The following DLG2 variants were observed in gnomAD, a reference collection of about 807,000 sequenced individuals.
DLG2 encodes the protein discs large MAGUK scaffold protein 2.
DLG2 carries 45 observed loss-of-function variants against 132.5 expected under a neutral mutation model. That is an observed-to-expected ratio of 0.34 (90% confidence interval 0.27 to 0.44). The LOEUF is 0.44. Among genes scored for constraint, DLG2 ranks in the 20% least tolerant of loss-of-function variants. DLG2 has a pLI of 1.00. For missense variants in DLG2, 1,045 were observed against 1,196.9 expected, an observed-to-expected ratio of 0.87 and a Z score of 1.87; for synonymous variants, 424 against 419.6, an observed-to-expected ratio of 1.01 and a Z score of -0.13.
intron 17 of DLG2, among the ~76,000 whole-genome samples, chr11:83,807,009 A>G (rs905116523): frequency 5.9e-5 from 9 of 152,184 alleles, no homozygotes; most frequent in Non-Finnish European, 1.2e-4. Context: ...TATTAGGCAG[A>G]CCACATAAAT....
At chr11:84,555,600 T>G (rs973357882) in intron 6 of DLG2, among the ~76,000 whole-genome samples, 5 of 152,162 alleles carry the variant, frequency 3.3e-5, no homozygotes, top group African/African-American at 1.2e-4. Flanking sequence ...TTATATGAAG[T>G]GCCTACAGTG....
Position 84,078,464 on chromosome 11 carries a change from A to T in DLG2, c.750-18980T>A, listed in dbSNP as rs1017327421. 2.2e-4 allele frequency among the ~76,000 whole-genome samples: 33 copies of T among 152,232 alleles called. 1 individual carries two copies. Among genetic ancestry groups the T allele is most frequent in the African/African-American group, 7.7e-4 (32 of 41,462 alleles). On this transcript the variant is annotated intron_variant, in intron 10 of 27. Transcript: ENST00000376104. Reference sequence around the variant, plus strand: ...CGACTTTCTCATGCCAGGCAACAGTATTTCAGATTGTTTCTTTATATCTAG... The same window carrying T: ...CGACTTTCTCATGCCAGGCAACAGTTTTTCAGATTGTTTCTTTATATCTAG...
chr11:83,782,998 A>G (rs2094899064), intron 18 of DLG2, among the ~76,000 whole-genome samples: 1 of 152,218 alleles, frequency 6.6e-6, no homozygotes, highest in Admixed American at 6.5e-5. Context: ...TAGTGCTTAA[A>G]TGGAATTATT....
chr11:84,819,076 T>TCCACACACACAC (rs2077384809), intron 6 of DLG2, among the ~76,000 whole-genome samples: 1 of 129,420 alleles, frequency 7.7e-6, no homozygotes, highest in South Asian at 2.7e-4. Context: ...CACTCACAAA[T>TCCACACACACAC]ACACACACAC....
chr11:84,733,419 G>T (rs747001916), intron 6 of DLG2, among the ~76,000 whole-genome samples: 22 of 152,274 alleles, frequency 1.4e-4, no homozygotes, highest in Non-Finnish European at 3.1e-4. Context: ...TACTGTGTCT[G>T]TTGGCTGCAT....
chr11:84,700,160 T>C (rs1158049010), intron 6 of DLG2, among the ~76,000 whole-genome samples: 2 of 151,654 alleles, frequency 1.3e-5, no homozygotes, highest in African/African-American at 4.8e-5. Context: ...GGGTGAAACC[T>C]TACAGTGTTC....
chr11:85,229,047 C>T (rs1260613876), intron 4 of DLG2, among the ~76,000 whole-genome samples: 1 of 151,062 alleles, frequency 6.6e-6, no homozygotes, highest in East Asian at 1.9e-4. Flanking sequence ...TATCACTGTC[C>T]ACACTGAATT....
chr11:84,029,628 T>C (rs1008752162), intron 11 of DLG2, among the ~76,000 whole-genome samples: 1 of 152,122 alleles, frequency 6.6e-6, no homozygotes, highest in African/African-American at 2.4e-5. Context: ...GCAATAATAA[T>C]AATAAAAGTC....
intron 3 of DLG2, among the ~76,000 whole-genome samples, chr11:85,408,656 T>G (rs986125777): frequency 1.1e-4 from 16 of 150,802 alleles, no homozygotes; most frequent in Non-Finnish European, 2.2e-4. Flanking sequence ...GTTTGGTTTT[T>G]TGTTCTTGCG....
At chr11:85,557,374 T>C (rs568198857) in intron 3 of DLG2, among the ~76,000 whole-genome samples, 1 of 151,898 alleles carries the variant, frequency 6.6e-6, no homozygotes, top group African/African-American at 2.4e-5. Context: ...AAAATGGCCA[T>C]ACTGCCCAAA....
intron 11 of DLG2, among the ~76,000 whole-genome samples, chr11:84,008,222 T>A (rs1436979156): frequency 1.3e-5 from 2 of 151,888 alleles, no homozygotes; most frequent in African/African-American, 4.8e-5. Context: ...GATCTGGGTA[T>A]AAAACCCTAT....
intron 18 of DLG2, among the ~76,000 whole-genome samples, chr11:83,755,696 A>G (rs1438321182): frequency 6.6e-6 from 1 of 151,338 alleles, no homozygotes; most frequent in East Asian, 1.9e-4. Flanking sequence ...TTAACCATAC[A>G]AACCTCAGGG....
intron 6 of DLG2, among the ~76,000 whole-genome samples, chr11:85,086,968 T>G (rs1183202844): frequency 1.3e-5 from 2 of 152,222 alleles, no homozygotes; most frequent in African/African-American, 4.8e-5. Flanking sequence ...TTTAAATATC[T>G]TTGTGTTCAT....
intron 15 of DLG2, among the ~76,000 whole-genome samples, chr11:83,902,467 G>A (rs2073738968): frequency 6.6e-6 from 1 of 152,130 alleles, no homozygotes; most frequent in African/African-American, 2.4e-5. Flanking sequence ...CTGCACAAGG[G>A]GTACTATTTT....
rs1359774652 is a variant in DLG2, at chr11:85,535,385, A to AAT, written c.40+63270_40+63271dup. Among the ~76,000 whole-genome samples, 3 of 152,100 alleles carry AAT rather than the reference A, an allele frequency of 2.0e-5. No individual in the cohort carries two copies. In the East Asian group the frequency reaches 5.8e-4, roughly 29 times the overall value. On this transcript the variant is annotated intron_variant, in intron 3 of 27. Transcript: ENST00000376104. ...TGGATGGGGTCAAAATAAATAAATA[A>AAT]ATATATATATAAAAATAATGTCAGT...
chr11:85,134,485 C>T (rs1278653986), intron 5 of DLG2, among the ~76,000 whole-genome samples: 3 of 141,008 alleles, frequency 2.1e-5, no homozygotes, highest in Admixed American at 7.2e-5. Context: ...GCCGAGATCC[C>T]GCCACTGCAC....
chr11:84,258,306 C>A (rs1266701326), intron 7 of DLG2, among the ~76,000 whole-genome samples: 2 of 152,134 alleles, frequency 1.3e-5, no homozygotes, highest in Non-Finnish European at 2.9e-5. Flanking sequence ...ATTCTAGAAT[C>A]ATAGAACTTT....
At chr11:83,763,581 G>A (rs1201531195) in intron 18 of DLG2, among the ~76,000 whole-genome samples, 1 of 152,188 alleles carries the variant, frequency 6.6e-6, no homozygotes, top group East Asian at 1.9e-4. Flanking sequence ...GAGTTGCAAG[G>A]AAAATGTGAA....
At position 83,698,706 on chromosome 11, in the gene DLG2, T is replaced by A. The variant is rs184468480; in HGVS notation, c.1826-65381A>T. Among the ~76,000 whole-genome samples the A allele has an allele frequency of 2.6e-5, 4 of 152,360 alleles. No individual in the cohort carries two copies. In the East Asian group the frequency reaches 7.7e-4, roughly 29 times the overall value. ...CATGAGATGATAATAATATCTTTAC[T>A]GAGTTTTTGCCATGTGCCAAGCTCT... On this transcript the variant is annotated intron_variant, in intron 18 of 27. Transcript: ENST00000376104.
Sources: gnomAD v4.1 joint callset for allele counts (sites outside exome capture counted in the v4.1 genomes callset) on GRCh38, gnomAD v4.1.1 for gene constraint, MANE v1.5 for transcripts, NCBI Gene and HGNC (gene_info 2026-07-23, HGNC 2026-07-21) for gene names.